Variants in TENM4 observed in about 807,000 individuals in gnomAD.
The protein encoded by TENM4 is teneurin-4.
A neutral mutation model predicts 243.3 loss-of-function variants in TENM4; 82 were observed. That is an observed-to-expected ratio of 0.34 (90% confidence interval 0.28 to 0.40). TENM4 has a LOEUF of 0.40. Ranked by LOEUF, TENM4 falls within the 10% of genes least tolerant of loss-of-function variation. The pLI is 1.00. For missense variants in TENM4, 3,138 were observed against 3,673.3 expected, an observed-to-expected ratio of 0.85 and a Z score of 3.77; for synonymous variants, 1,412 against 1,456.3, an observed-to-expected ratio of 0.97 and a Z score of 0.69.
chr11:79,028,447 A>G (rs959120401), intron 6 of TENM4, among the ~76,000 whole-genome samples: 13 of 152,222 alleles, frequency 8.5e-5, no homozygotes, highest in African/African-American at 3.1e-4. Context: ...TTGAGCTACA[A>G]TGCGGCTGCA....
intron 2 of TENM4, among the ~76,000 whole-genome samples, chr11:79,241,076 T>G (rs887051754): frequency 6.6e-6 from 1 of 152,126 alleles, no homozygotes; most frequent in Admixed American, 6.6e-5. Context: ...GCCCCAGTGA[T>G]GCTGAGTGGC....
At chr11:78,766,223 T>C (rs1856537024) in intron 18 of TENM4, among the ~76,000 whole-genome samples, 1 of 152,208 alleles carries the variant, frequency 6.6e-6, no homozygotes, top group Admixed American at 6.5e-5. Context: ...CTTTTAATCA[T>C]TGTGCTATGT....
chr11:79,158,641 A>G (rs968485602), intron 3 of TENM4, among the ~76,000 whole-genome samples: 2 of 152,206 alleles, frequency 1.3e-5, no homozygotes, highest in Non-Finnish European at 2.9e-5. Context: ...ATTGTAGTTT[A>G]TACTTCTGAA....
chr11:79,282,668 C>G (rs1484801524), intron 2 of TENM4, among the ~76,000 whole-genome samples: 1 of 152,142 alleles, frequency 6.6e-6, no homozygotes, highest in Non-Finnish European at 1.5e-5. Flanking sequence ...TCTAGGAGGA[C>G]AGGATGGATT....
chr11:78,711,154 G>A (rs560235898), intron 26 of TENM4, among the ~76,000 whole-genome samples: 158 of 152,198 alleles, frequency 1.0e-3, no homozygotes, highest in Non-Finnish European at 2.0e-3. Context: ...ATAATTAGGC[G>A]GGATTAGCCT....
intron 6 of TENM4, among the ~76,000 whole-genome samples, chr11:78,913,583 ATGTGTGTGTGTG>A (rs55835050): frequency 0.22 from 31,899 of 141,820 alleles, 3,548 homozygotes; most frequent in Middle Eastern, 0.3. Flanking sequence ...GGTAAGAGGT[ATGTGTGTGTGTG>A]TGTGTGTGTG....
At chr11:78,978,585 C>G (rs2136613388) in intron 6 of TENM4, among the ~76,000 whole-genome samples, 1 of 151,962 alleles carries the variant, frequency 6.6e-6, no homozygotes, top group Non-Finnish European at 1.5e-5. Flanking sequence ...TGCAACCACA[C>G]CAAACGGACT....
intron 16 of TENM4, among the ~76,000 whole-genome samples, chr11:78,785,150 G>A (rs1331376917): frequency 1.3e-5 from 2 of 152,022 alleles, no homozygotes; most frequent in African/African-American, 4.8e-5. Context: ...TGCAGAAAAG[G>A]GAAGGTGAGG....
intron 1 of TENM4, among the ~76,000 whole-genome samples, chr11:79,328,780 AAG>A (rs1857015163): frequency 5.6e-5 from 4 of 71,990 alleles, no homozygotes; most frequent in Non-Finnish European, 9.8e-5. Context: ...GCCTGATGTT[AAG>A]CATGCATATA....
rs77631709 is a variant in TENM4 at position 78,945,489 on chromosome 11, T to C, written c.494-41966A>G. 8.7e-3 allele frequency among the ~76,000 whole-genome samples: 1,323 copies of C among 152,310 alleles called. 15 individuals are homozygous for C. Among genetic ancestry groups the C allele is most frequent in the African/African-American group, 0.03 (1,230 of 41,570 alleles). ...CCTCTCCTCCGGCCTTTCTATTCCC[T>C]GAGACATAATGATATTGAAATTAGG... On this transcript the variant is annotated intron_variant, in intron 6 of 33. Transcript: ENST00000278550.
chr11:79,228,477 G>C (rs1864314670), intron 2 of TENM4, among the ~76,000 whole-genome samples: 1 of 152,106 alleles, frequency 6.6e-6, no homozygotes, highest in Non-Finnish European at 1.5e-5. Context: ...GGAAACCAAT[G>C]CCGAGACTCC....
chr11:79,200,484 C>G (rs989210656), intron 3 of TENM4, among the ~76,000 whole-genome samples: 4 of 152,226 alleles, frequency 2.6e-5, no homozygotes, highest in African/African-American at 9.6e-5. Flanking sequence ...CCAGAGCAAA[C>G]TTGGCCCAGG....
intron 25 of TENM4, among the ~76,000 whole-genome samples, chr11:78,718,350 T>C (rs1859568682): frequency 6.6e-6 from 1 of 152,180 alleles, no homozygotes; most frequent in Non-Finnish European, 1.5e-5. Flanking sequence ...AAACAATTAA[T>C]TGACGAAGGG....
chr11:79,005,585 A>C (rs1448750160), intron 6 of TENM4, among the ~76,000 whole-genome samples: 1 of 152,204 alleles, frequency 6.6e-6, no homozygotes, highest in African/African-American at 2.4e-5. Context: ...CAAACTAGGC[A>C]TTGAAGGAAT....
intron 9 of TENM4, 101 bp from the exon 10 acceptor site, chr11:78,863,233 T>C: frequency 7.9e-7 from 1 of 1,269,196 alleles, no homozygotes; most frequent in African/African-American, 1.5e-5. Flanking sequence ...AACACAGGCA[T>C]TCAGTTCAGT....
intron 4 of TENM4, among the ~76,000 whole-genome samples, chr11:79,114,463 T>G (rs1861575602): frequency 1.3e-5 from 2 of 152,176 alleles, no homozygotes; most frequent in Non-Finnish European, 2.9e-5. Context: ...ACTGTAAAAG[T>G]CCCCTCTCTT....
chr11:78,810,192 G>C (rs1246957139), intron 14 of TENM4, among the ~76,000 whole-genome samples: 1 of 152,158 alleles, frequency 6.6e-6, no homozygotes, highest in Non-Finnish European at 1.5e-5. Flanking sequence ...TAAACACAAG[G>C]ACAACGCAAT....
chr11:79,109,647 A>G (rs1278612193), intron 4 of TENM4, among the ~76,000 whole-genome samples: 1 of 152,258 alleles, frequency 6.6e-6, no homozygotes, highest in Non-Finnish European at 1.5e-5. Context: ...TAAAATAGCT[A>G]TGAAGTGTCA....
chr11:79,053,191 C>T (rs919387558), intron 6 of TENM4, among the ~76,000 whole-genome samples: 4 of 152,084 alleles, frequency 2.6e-5, no homozygotes, highest in South Asian at 4.2e-4. Flanking sequence ...TTGGCAGAGG[C>T]GGGACTTGAG....
Sources: gnomAD v4.1 joint callset for allele counts (sites outside exome capture counted in the v4.1 genomes callset) on GRCh38, gnomAD v4.1.1 for gene constraint, MANE v1.5 for transcripts, NCBI Gene and HGNC (gene_info 2026-07-23, HGNC 2026-07-21) for gene names.